Variants in DENND2D observed in about 807,000 individuals in gnomAD.
DENND2D encodes DENN domain containing 2D.
DENND2D carries 37 observed loss-of-function variants against 59.8 expected under a neutral mutation model. The observed-to-expected ratio is 0.62, with a 90% CI of 0.48 to 0.81. The LOEUF is 0.81. DENND2D is among the 40% of genes least tolerant of loss of function. DENND2D has a pLI of 0.00. For missense variants in DENND2D, 525 were observed against 579.7 expected (o/e 0.91, Z 0.97); for synonymous variants, 219 against 211.3 (o/e 1.04, Z -0.31).
intron 3 of DENND2D, 131 bp from the exon 4 acceptor site, chr1:111,198,120 G>A (rs1658425485): frequency 2.5e-6 from 2 of 799,206 alleles, no homozygotes; most frequent in Non-Finnish European, 4.1e-6. Flanking sequence ...AGGGCTCACT[G>A]GTGTCAGGCC....
Position 111,192,204 on chromosome 1 carries a change from G to A in DENND2D, c.908C>T (p.Thr303Ile). ...CATTTGTACTCCAACCATGAAGGGG[G>A]TGGGGCAGCAGACGGTGGCCAGAAG... is the stretch of plus-strand genomic sequence containing the variant. ...ESLLATVCCP[T>I]PFMVGVQMRF... Residue 303 changes from threonine (T) to isoleucine (I), a missense_variant, in exon 8 of 12, where the codon ACC becomes ATC. Thr to Ile is a moderately conservative substitution (Grantham distance 89). Around this residue, in one of 3 missense-constraint regions of DENND2D, gnomAD observed 225 missense variants for 252.4 expected, o/e 0.89. Transcript: ENST00000357640. The A allele has an allele frequency of 6.2e-7, 1 of 1,613,990 alleles. No individual in the cohort carries two copies. Among genetic ancestry groups the A allele is most frequent in the African/African-American group, 1.3e-5 (1 of 75,050 alleles).
chr1:111,200,709 G>A (rs573103516), upstream of DENND2D: 203 of 1,280,394 alleles, frequency 1.6e-4, 4 homozygotes, highest in South Asian at 2.8e-3. Context: ...GCACTGCAGC[G>A]CAGATCTCAG....
intron 7 of DENND2D, 121 bp from the exon 8 acceptor site, chr1:111,192,438 CAAG>C: frequency 1.8e-6 from 2 of 1,090,576 alleles, no homozygotes; most frequent in South Asian, 3.0e-5. Flanking sequence ...GGCAGAAAGG[CAAG>C]TCTGGGGGCC....
intron 6 of DENND2D, among the ~76,000 whole-genome samples, 182 bp from the exon 7 acceptor site, chr1:111,194,908 AAT>A (rs1468643405): frequency 2.6e-5 from 4 of 151,680 alleles, no homozygotes; most frequent in Non-Finnish European, 5.9e-5. Context: ...TATGGCCCAT[AAT>A]GTCCTGCACC....
chr1:111,202,677 T>A (rs920163718), upstream of DENND2D, among the ~76,000 whole-genome samples: 5 of 139,152 alleles, frequency 3.6e-5, no homozygotes, highest in Admixed American at 3.8e-4. Flanking sequence ...CACCACCACA[T>A]CACTCCTTGT....
Position 111,186,448 on chromosome 1 carries a change from A to G in DENND2D, c.*1157T>C, listed in dbSNP as rs1388599622. On this transcript the variant is annotated 3_prime_UTR_variant, in exon 12 of 12. Transcript: ENST00000357640. ...CTTGAACTTCAGTATGCCCGGTTCC[A>G]CCCTCCAGAAACTTTTGTGTTCTTT... 1.3e-5 allele frequency among the ~76,000 whole-genome samples: 2 copies of G among 152,280 alleles called. No homozygotes were observed. Among genetic ancestry groups the G allele is most frequent in the South Asian group, 2.1e-4 (1 of 4,824 alleles).
Position 111,187,068 on chromosome 1 carries a change from C to T in DENND2D, c.*537G>A, listed in dbSNP as rs1034317922. The T allele has an allele frequency of 1.9e-5, 3 of 153,886 alleles. No individual in the cohort carries two copies. Among genetic ancestry groups the T allele is most frequent in the Admixed American group, 6.4e-5 (1 of 15,528 alleles). The allele number at this position is 153,886 out of a possible 1,614,324, so 9.5% of individuals were successfully genotyped here. On this transcript the variant is annotated 3_prime_UTR_variant, in exon 12 of 12. Transcript: ENST00000357640. Reference sequence around the variant, plus strand: ...CATGATTCTATCACTCCAAACATATCCCCATGGCCAGGTCTTCCACTTGTA... The same window carrying T: ...CATGATTCTATCACTCCAAACATATTCCCATGGCCAGGTCTTCCACTTGTA...
At chr1:111,204,498 C>T, upstream of DENND2D, 4 of 893,248 alleles carry the variant, frequency 4.5e-6, no homozygotes, top group Non-Finnish European at 3.0e-6. Flanking sequence ...ACCTTCCGGA[C>T]TCCGGCCCAA....
chr1:111,190,183 A>AAC (rs1216139821), intron 8 of DENND2D, among the ~76,000 whole-genome samples: 3 of 150,452 alleles, frequency 2.0e-5, no homozygotes, highest in African/African-American at 7.4e-5. Context: ...AAAAAAAAAA[A>AAC]CTACCTCACA....
upstream of DENND2D, chr1:111,204,221 C>T: frequency 7.2e-7 from 1 of 1,392,098 alleles, no homozygotes; most frequent in Non-Finnish European, 9.3e-7. Flanking sequence ...CTCCACCGGG[C>T]CCCAGCCGCC....
At chr1:111,196,916 T>C (rs1658285009) in intron 5 of DENND2D, 1 of 432,962 alleles carries the variant, frequency 2.3e-6, no homozygotes, top group Admixed American at 3.4e-5. Context: ...TTTCTTCTGC[T>C]TGTCCTACTT....
intron 11 of DENND2D, among the ~76,000 whole-genome samples, 155 bp from the exon 12 acceptor site, chr1:111,187,836 T>G (rs557158305): frequency 6.6e-6 from 1 of 152,280 alleles, no homozygotes; most frequent in Admixed American, 6.5e-5. Flanking sequence ...ATCCAGACAT[T>G]CAGTTTTGTC....
upstream of DENND2D, chr1:111,204,169 T>G: frequency 1.0e-6 from 1 of 976,640 alleles, no homozygotes; most frequent in Non-Finnish European, 1.3e-6. Flanking sequence ...GCCTCCTGAG[T>G]CCCCTTCCAA....
chr1:111,199,435 A>G (rs754961940), intron 2 of DENND2D, among the ~76,000 whole-genome samples, 188 bp downstream of exon 2: 6 of 152,194 alleles, frequency 3.9e-5, no homozygotes, highest in Non-Finnish European at 8.8e-5. Context: ...TTAGACCTAG[A>G]TTCTGTGGGT....
chr1:111,197,409 G>T, intron 4 of DENND2D, 156 bp from the exon 5 acceptor site: 1 of 1,455,898 alleles, frequency 6.9e-7, no homozygotes, highest in South Asian at 1.4e-5. Context: ...AGCATCAAAA[G>T]AAGAAATCCT....
chr1:111,199,747 T>C lies in DENND2D; in HGVS notation c.119A>G (p.Gln40Arg). Residue 40 changes from glutamine to arginine, a missense_variant, in exon 2 of 12, where the codon CAG becomes CGG. Gln to Arg is a conservative substitution (Grantham distance 43). This residue lies in a region of DENND2D where 253 missense variants were observed against 246.4 expected (regional missense o/e 1.03). Coordinates refer to ENST00000357640, the MANE Select transcript of DENND2D (RefSeq NM_024901.5). ...GEALKEPERA[Q>R]EHSLPNFAGG... ...AGCAAAGTTGGGCAAAGAGTGCTCC[T>C]GGGCCCTTTCTGGTTCCTTTAAAGC... The C allele has an allele frequency of 1.9e-6, 3 of 1,614,186 alleles. No homozygotes were observed. Among genetic ancestry groups the C allele is most frequent in the Non-Finnish European group, 2.5e-6 (3 of 1,180,038 alleles).
At chr1:111,188,843 T>A in intron 9 of DENND2D, 57 bp from the exon 10 acceptor site, 1 of 1,502,484 alleles carries the variant, frequency 6.7e-7, no homozygotes, top group African/African-American at 1.4e-5. Flanking sequence ...GTGAAGGTGG[T>A]TGGCAGAAAA....
Position 111,188,692 on chromosome 1 carries a change from A to G in DENND2D, c.1099+10T>C. On this transcript the variant is annotated intron_variant, in intron 10 of 11. Transcript: ENST00000357640. ...GCCTGGAGAGACCCAAAATAAGAGTAAGGACTTACTCTTTAACTCATTGAT... is the reference window on the plus strand; with the variant it reads ...GCCTGGAGAGACCCAAAATAAGAGTGAGGACTTACTCTTTAACTCATTGAT... The G allele has an allele frequency of 1.9e-6, 3 of 1,610,948 alleles. No homozygotes were observed. Among genetic ancestry groups the G allele is most frequent in the Non-Finnish European group, 2.5e-6 (3 of 1,177,160 alleles).
intron 6 of DENND2D, chr1:111,195,624 G>T (rs1658153625): frequency 5.9e-6 from 2 of 337,656 alleles, no homozygotes; most frequent in Middle Eastern, 9.6e-4. Flanking sequence ...GCAGTCTGAG[G>T]GCTGAGGGAA....
Sources: allele counts gnomAD v4.1 joint callset (sites outside exome capture counted in the v4.1 genomes callset), GRCh38; gene constraint gnomAD v4.1.1; regional missense constraint gnomAD v4.1.1; transcripts MANE v1.5; gene names NCBI Gene and HGNC (gene_info 2026-07-23, HGNC 2026-07-21).